Variants in ATP2B1 observed in about 807,000 individuals in gnomAD.
ATP2B1 encodes the protein ATPase plasma membrane Ca2+ transporting 1.
In ATP2B1, 14 loss-of-function variants were observed where a neutral mutation model predicts 124.2. That is an observed-to-expected ratio of 0.11 (90% CI 0.07 to 0.18). The LOEUF is 0.18. Ranked by LOEUF, ATP2B1 falls within the 10% of genes least tolerant of loss-of-function variation. ATP2B1 has a pLI of 1.00. For missense variants in ATP2B1, 763 were observed against 1,466.1 expected, an observed-to-expected ratio of 0.52 and a Z score of 7.83; for synonymous variants, 449 against 492.4, an observed-to-expected ratio of 0.91 and a Z score of 1.17.
intron 1 of ATP2B1, among the ~76,000 whole-genome samples, chr12:89,679,535 A>G (rs375598419): frequency 2.0e-5 from 3 of 152,304 alleles, no homozygotes; most frequent in African/African-American, 7.2e-5. Context: ...CAAAAAGCAC[A>G]ATATCATAAG....
At position 89,624,163 on chromosome 12, in the gene ATP2B1, C is replaced by T. The variant is rs1880459674; in HGVS notation, c.1344+20G>A. The T allele has an allele frequency of 1.2e-6, 2 of 1,607,164 alleles. No individual in the cohort carries two copies. The highest frequency in any genetic ancestry group is 1.1e-5 in the South Asian group (1 of 90,712). On this transcript the variant is annotated intron_variant, in intron 9 of 20. Coordinates refer to ENST00000428670, the MANE Select transcript of ATP2B1 (RefSeq NM_001366521.1). The stretch of plus-strand genomic sequence containing the variant: ...AAGGCTTTAAACATAACAACGTCTA[C>T]TGAACTATTTTCTACTTACTTTGAC...
intron 12 of ATP2B1, among the ~76,000 whole-genome samples, chr12:89,614,591 T>C (rs1264528490): frequency 2.0e-5 from 3 of 152,172 alleles, no homozygotes; most frequent in African/African-American, 7.2e-5. Context: ...ATCTCCTTTA[T>C]AAGACTTCTA....
chr12:89,698,240 G>T (rs12301815), intron 1 of ATP2B1, among the ~76,000 whole-genome samples: 2,227 of 152,268 alleles, frequency 0.015, 54 homozygotes, highest in African/African-American at 0.05. Flanking sequence ...GTATGTTACT[G>T]GAACCAAAAT....
intron 1 of ATP2B1, among the ~76,000 whole-genome samples, chr12:89,680,663 A>G (rs1889229231): frequency 6.6e-6 from 1 of 152,190 alleles, no homozygotes; most frequent in Admixed American, 6.5e-5. Flanking sequence ...GAACAGAACT[A>G]GTATTTAAAA....
intron 1 of ATP2B1, among the ~76,000 whole-genome samples, chr12:89,698,266 A>T (rs1891408795): frequency 6.6e-6 from 1 of 152,234 alleles, no homozygotes; most frequent in South Asian, 2.1e-4. Flanking sequence ...TCAACAGGCG[A>T]ACGGACAAAT....
At chr12:89,689,470 CCA>C (rs1246814702) in intron 1 of ATP2B1, among the ~76,000 whole-genome samples, 4 of 152,128 alleles carry the variant, frequency 2.6e-5, no homozygotes, top group African/African-American at 9.6e-5. Flanking sequence ...TCCCAACCTA[CCA>C]CACTCACAAA....
intron 1 of ATP2B1, among the ~76,000 whole-genome samples, chr12:89,702,054 C>T (rs531420239): frequency 6.6e-6 from 1 of 152,294 alleles, no homozygotes; most frequent in South Asian, 2.1e-4. Flanking sequence ...GATCCTGGTA[C>T]ACAAAGTTAA....
At chr12:89,695,886 A>G (rs892350484) in intron 1 of ATP2B1, among the ~76,000 whole-genome samples, 1 of 152,212 alleles carries the variant, frequency 6.6e-6, no homozygotes, top group Non-Finnish European at 1.5e-5. Context: ...TACCTGACAT[A>G]TCATTCAGCT....
intron 12 of ATP2B1, 40 bp from the exon 13 acceptor site, chr12:89,611,412 G>A: frequency 1.4e-6 from 2 of 1,459,142 alleles, no homozygotes; most frequent in Non-Finnish European, 1.8e-6. Flanking sequence ...AGTTAATTTG[G>A]TATTTTTAGA....
At chr12:89,659,182 T>C (rs1012740710) in intron 1 of ATP2B1, among the ~76,000 whole-genome samples, 1 of 152,228 alleles carries the variant, frequency 6.6e-6, no homozygotes, top group African/African-American at 2.4e-5. Context: ...TGTTTTCTAA[T>C]AGAATTTTAT....
chr12:89,598,863 CAAG>C (rs1875222520), intron 20 of ATP2B1: 11 of 1,260,128 alleles, frequency 8.7e-6, no homozygotes, highest in Admixed American at 2.2e-5. Flanking sequence ...AGCATATAGG[CAAG>C]AATAGCATTT....
chr12:89,708,410 C>A (rs1295676641), intron 1 of ATP2B1, among the ~76,000 whole-genome samples, 186 bp downstream of exon 1: 1 of 152,174 alleles, frequency 6.6e-6, no homozygotes, highest in African/African-American at 2.4e-5. Flanking sequence ...AATCTCCCGG[C>A]AAGAGGCAAC....
chr12:89,617,841 G>GTAA, intron 11 of ATP2B1, among the ~76,000 whole-genome samples: 1 of 152,238 alleles, frequency 6.6e-6, no homozygotes. Context: ...CACTGCCCAT[G>GTAA]TAATGTGCAT....
intron 20 of ATP2B1, among the ~76,000 whole-genome samples, chr12:89,592,156 A>T (rs1008311002): frequency 2.0e-5 from 3 of 152,050 alleles, no homozygotes; most frequent in African/African-American, 7.2e-5. Flanking sequence ...GTGGGCAATC[A>T]AACTTAAAAA....
At chr12:89,687,674 C>T (rs1890115649) in intron 1 of ATP2B1, among the ~76,000 whole-genome samples, 1 of 152,012 alleles carries the variant, frequency 6.6e-6, no homozygotes, top group Admixed American at 6.6e-5. Context: ...ATTCCATACA[C>T]TCTATTTACT....
At chr12:89,688,750 G>A (rs572908285) in intron 1 of ATP2B1, among the ~76,000 whole-genome samples, 5 of 152,170 alleles carry the variant, frequency 3.3e-5, no homozygotes, top group Admixed American at 6.5e-5. Flanking sequence ...GGGGTAGGTT[G>A]CTGTGTACCT....
upstream of ATP2B1, chr12:89,708,970 G>A (rs1361982527): frequency 4.6e-5 from 7 of 151,424 alleles, no homozygotes; most frequent in Non-Finnish European, 5.9e-5. Flanking sequence ...GCGGCACACA[G>A]GGCGCGCCGC....
intron 1 of ATP2B1, among the ~76,000 whole-genome samples, chr12:89,673,781 G>A (rs1198629591): frequency 2.6e-5 from 4 of 152,138 alleles, no homozygotes; most frequent in African/African-American, 9.7e-5. Flanking sequence ...GGGCTGATGA[G>A]GTAATTAGGA....
At chr12:89,635,763 T>C (rs1219099264) in intron 3 of ATP2B1, among the ~76,000 whole-genome samples, 2 of 152,194 alleles carry the variant, frequency 1.3e-5, no homozygotes, top group African/African-American at 2.4e-5. Flanking sequence ...TTATTTACTA[T>C]GTCATTTTTA....
Sources: allele counts gnomAD v4.1 joint callset (sites outside exome capture counted in the v4.1 genomes callset), GRCh38; gene constraint gnomAD v4.1.1; transcripts MANE v1.5; gene names NCBI Gene and HGNC (gene_info 2026-07-23, HGNC 2026-07-21).